ZNF91: variants seen among roughly 807,000 people sequenced by gnomAD.
The protein encoded by ZNF91 is zinc finger protein 91 (HPF7, HTF10).
In ZNF91, 7 loss-of-function variants were observed where a neutral mutation model predicts 12.6. The observed-to-expected ratio is 0.55, with a 90% confidence interval of 0.31 to 1.04. The LOEUF is 1.04. ZNF91 is among the 50% of genes least tolerant of loss of function. The pLI is 0.05. For missense variants in ZNF91, 1,217 were observed against 1,385.4 expected (o/e 0.88, Z 1.93); for synonymous variants, 453 against 462.6 (o/e 0.98, Z 0.27).
chr19:23,318,701 T>C (rs1260722611), intron 1 of ZNF91, among the ~76,000 whole-genome samples: 1 of 152,152 alleles, frequency 6.6e-6, no homozygotes, highest in African/African-American at 2.4e-5. Flanking sequence ...GTGTTGTGAC[T>C]CTCCTTGTTT....
At chr19:23,355,626 T>TCC (rs1243232081), downstream of ZNF91, among the ~76,000 whole-genome samples, 1 of 152,132 alleles carries the variant, frequency 6.6e-6, no homozygotes, top group Non-Finnish European at 1.5e-5. Flanking sequence ...ACTAAAGAGT[T>TCC]TTTGCATGGC....
intron 1 of ZNF91, among the ~76,000 whole-genome samples, chr19:23,393,018 G>A (rs191518097): frequency 9.2e-5 from 14 of 152,030 alleles, no homozygotes; most frequent in African/African-American, 3.4e-4. Flanking sequence ...AAGTTCTTAC[G>A]CCATCTAACT....
At chr19:23,326,798 G>T (rs1430148430) in intron 1 of ZNF91, 1 of 152,200 alleles carries the variant, frequency 6.6e-6, no homozygotes, top group Non-Finnish European at 1.5e-5. Context: ...AGGTGGAAAA[G>T]ATTTTGGTGC....
At chr19:23,322,164 GT>G in intron 1 of ZNF91, among the ~76,000 whole-genome samples, 1 of 152,298 alleles carries the variant, frequency 6.6e-6, no homozygotes, top group East Asian at 1.9e-4. Flanking sequence ...CCTAGGTTAC[GT>G]AACTTTCCTC....
chr19:23,378,472 C>T (rs1969583284), intron 1 of ZNF91, among the ~76,000 whole-genome samples: 1 of 151,862 alleles, frequency 6.6e-6, no homozygotes, highest in African/African-American at 2.4e-5. Flanking sequence ...AAAACGAAAA[C>T]AGAAACTTAA....
chr19:23,340,638 T>C (rs1968102565), intron 3 of ZNF91, among the ~76,000 whole-genome samples: 1 of 151,906 alleles, frequency 6.6e-6, no homozygotes, highest in South Asian at 2.1e-4. Flanking sequence ...TTACCAAAAA[T>C]TGAGGATAAT....
chr19:23,375,541 T>TCTGAATTA (rs1969476265), intron 1 of ZNF91, among the ~76,000 whole-genome samples: 1 of 152,172 alleles, frequency 6.6e-6, no homozygotes, highest in Non-Finnish European at 1.5e-5. Context: ...TGAAATAAAG[T>TCTGAATTA]CTGAATTACT....
At chr19:23,333,038 G>A (rs1282572877) in intron 1 of ZNF91, among the ~76,000 whole-genome samples, 1 of 152,194 alleles carries the variant, frequency 6.6e-6, no homozygotes, top group East Asian at 1.9e-4. Context: ...GGTGGGCATG[G>A]ACTCTGCGAT....
At chr19:23,374,078 C>A (rs1969404571) in intron 2 of ZNF91, among the ~76,000 whole-genome samples, 1 of 151,954 alleles carries the variant, frequency 6.6e-6, no homozygotes, top group South Asian at 2.1e-4. Context: ...GTGTGAGTAA[C>A]AGTATTTTAT....
At chr19:23,381,650 A>T (rs1969720013) in intron 1 of ZNF91, among the ~76,000 whole-genome samples, 2 of 151,938 alleles carry the variant, frequency 1.3e-5, no homozygotes, top group African/African-American at 4.8e-5. Context: ...AGTAGAGACA[A>T]GATTACTCCA....
At chr19:23,334,171 G>T (rs185473859), downstream of ZNF91, among the ~76,000 whole-genome samples, 81 of 152,298 alleles carry the variant, frequency 5.3e-4, no homozygotes, top group Admixed American at 1.7e-3. Context: ...AGGACTTGAA[G>T]TATTAAAATA....
In ZNF91 at chr19:23,330,131, G is replaced by C. The variant is rs564379543; in HGVS notation, n.117-21034C>G. On this transcript the variant is annotated intron_variant and non_coding_transcript_variant, in intron 1 of 1. Transcript: ENST00000596528. ...GGATCACCTGATGTCAGGAGTTCGAGACCAGCTTTGTCAACATGGTGAAAG... is the reference window on the plus strand; with the variant it reads ...GGATCACCTGATGTCAGGAGTTCGACACCAGCTTTGTCAACATGGTGAAAG... Among the ~76,000 whole-genome samples the C allele has an allele frequency of 3.8e-4, 58 of 152,212 alleles. No homozygotes were observed. The South Asian group carries it at 0.012, about 32-fold the overall frequency.
intron 3 of ZNF91, among the ~76,000 whole-genome samples, chr19:23,370,704 A>G (rs942850271): frequency 2.0e-5 from 3 of 152,102 alleles, no homozygotes; most frequent in East Asian, 3.9e-4. Context: ...GGGTGTCTCC[A>G]TATTTTGCCC....
upstream of ZNF91, among the ~76,000 whole-genome samples, chr19:23,314,799 C>T (rs1344112011): frequency 6.6e-6 from 1 of 152,210 alleles, no homozygotes; most frequent in Non-Finnish European, 1.5e-5. Context: ...ACTGCTTGGG[C>T]TTTGCCCTAA....
intron 1 of ZNF91, among the ~76,000 whole-genome samples, chr19:23,321,924 G>A (rs555922944): frequency 1.3e-5 from 2 of 152,300 alleles, no homozygotes; most frequent in Non-Finnish European, 2.9e-5. Context: ...TCTTTCTACA[G>A]GGGGCATTGA....
At chr19:23,373,542 A>G (rs1431098270) in intron 3 of ZNF91, among the ~76,000 whole-genome samples, 200 bp downstream of exon 3, 2 of 152,006 alleles carry the variant, frequency 1.3e-5, no homozygotes, top group Non-Finnish European at 1.5e-5. Context: ...AACTTGAAGA[A>G]AGATCATTGA....
chr19:23,318,047 G>C (rs11669226), intron 1 of ZNF91, among the ~76,000 whole-genome samples: 28,637 of 152,106 alleles, frequency 0.19, 2,921 homozygotes, highest in Non-Finnish European at 0.21. Context: ...GTACCTTCAT[G>C]ATGGGACTCT....
chr19:23,309,926 C>A (rs557810606), intron 1 of ZNF91, among the ~76,000 whole-genome samples: 1 of 152,274 alleles, frequency 6.6e-6, no homozygotes, highest in African/African-American at 2.4e-5. Context: ...ATGAAGCCCA[C>A]TGGTGAGGTA....
rs1436637791 is a variant in ZNF91 at position 23,362,249 on chromosome 19, C to A, written c.730G>T (p.Gly244Cys). Residue 244 changes from glycine (G) to cysteine (C), a missense_variant, in exon 4 of 4, where the codon GGC becomes TGC. By Grantham distance (159) the Gly-to-Cys change is radical. Around this residue, in one of 2 missense-constraint regions of ZNF91, gnomAD observed 726 missense variants for 895.5 expected, o/e 0.81. Coordinates refer to ENST00000300619, the MANE Select transcript of ZNF91 (RefSeq NM_003430.4). ...GTTGAGAGCTGCTTAAAAGCTTTGC[C>A]ACATTCTTCACATTTGTAGGGTTTA... ...EDKPYKCEEC[G>C]KAFKQLSTLT... 1 of 1,613,950 alleles carries A rather than the reference C, an allele frequency of 6.2e-7. No individual in the cohort carries two copies.
Sources: gnomAD v4.1 joint callset for allele counts (sites outside exome capture counted in the v4.1 genomes callset) on GRCh38, gnomAD v4.1.1 for gene constraint, gnomAD v4.1.1 regional missense constraint, MANE v1.5 for transcripts, NCBI Gene and HGNC (gene_info 2026-07-23, HGNC 2026-07-21) for gene names.